FUT9: variants seen among roughly 807,000 people sequenced by gnomAD.
FUT9 encodes the protein fucosyltransferase 9.
In FUT9, 15 loss-of-function variants were observed where a neutral mutation model predicts 29.7. The observed-to-expected ratio is 0.51, with a 90% CI of 0.34 to 0.78. The LOEUF is 0.78. FUT9 is among the 30% of genes least tolerant of loss of function. The pLI is 0.01. For missense variants in FUT9, 319 were observed against 425.4 expected (o/e 0.75, Z 2.20); for synonymous variants, 169 against 153.7 (o/e 1.10, Z -0.74).
chr6:96,137,872 T>C (rs1176304758), intron 2 of FUT9, among the ~76,000 whole-genome samples: 1 of 152,204 alleles, frequency 6.6e-6, no homozygotes, highest in Admixed American at 6.5e-5. Flanking sequence ...TCTCTGTAAA[T>C]TTCCTGTACA....
At chr6:96,190,672 G>T (rs1285844154) in intron 2 of FUT9, among the ~76,000 whole-genome samples, 1 of 151,934 alleles carries the variant, frequency 6.6e-6, no homozygotes, top group Non-Finnish European at 1.5e-5. Context: ...TTCAATCACT[G>T]GTACCCTTTC....
chr6:96,168,467 G>A (rs1165805526), intron 2 of FUT9, among the ~76,000 whole-genome samples: 2 of 152,154 alleles, frequency 1.3e-5, no homozygotes, highest in Non-Finnish European at 2.9e-5. Context: ...CTTGACCTAA[G>A]AGCAGAAAGT....
intron 2 of FUT9, among the ~76,000 whole-genome samples, chr6:96,172,136 T>C (rs1773123290): frequency 6.6e-6 from 1 of 151,980 alleles, no homozygotes; most frequent in Non-Finnish European, 1.5e-5. Context: ...GTGGAAAGAG[T>C]TCCTGGGATC....
At chr6:96,195,859 G>A (rs1323414360) in intron 2 of FUT9, among the ~76,000 whole-genome samples, 1 of 152,116 alleles carries the variant, frequency 6.6e-6, no homozygotes, top group Non-Finnish European at 1.5e-5. Flanking sequence ...TACTATGATA[G>A]TGAAGATCAC....
intron 2 of FUT9, among the ~76,000 whole-genome samples, chr6:96,135,078 A>G (rs1172343278): frequency 6.6e-6 from 1 of 151,898 alleles, no homozygotes; most frequent in East Asian, 1.9e-4. Context: ...GTTGCTTGGA[A>G]AGAAAATTAC....
In FUT9 at chr6:96,210,071, C is replaced by G. The variant is rs1410432677; in HGVS notation, c.*5836C>G. ...TTAATAATACACAGCTTCTGAATCT[C>G]TGGGTGTGAGATGGGACCAGGAATC... On this transcript the variant is annotated 3_prime_UTR_variant, in exon 3 of 3. Coordinates refer to ENST00000302103, the MANE Select transcript of FUT9 (RefSeq NM_006581.4). The G allele has an allele frequency of 1.2e-5, 2 of 166,888 alleles. 1 individual carries two copies. The highest frequency in any genetic ancestry group is 2.9e-5 in the Non-Finnish European group (2 of 68,062). The allele number at this position is 166,888 out of a possible 1,614,324, so 10.3% of individuals were successfully genotyped here.
At chr6:96,169,259 G>T (rs1773069736) in intron 2 of FUT9, among the ~76,000 whole-genome samples, 1 of 152,184 alleles carries the variant, frequency 6.6e-6, no homozygotes, top group Non-Finnish European at 1.5e-5. Flanking sequence ...TAACTTCAAA[G>T]TAAGCTGGGC....
At position 96,084,545 on chromosome 6, in the gene FUT9, T is replaced by A. The variant is rs1771286287; in HGVS notation, c.-97-29494T>A. On this transcript the variant is annotated intron_variant, in intron 1 of 2. Coordinates refer to ENST00000302103, the MANE Select transcript of FUT9 (RefSeq NM_006581.4). ...TAGTTTTTCAGAGTGTGAAGTTAAT[T>A]TTCTCACACACACGTTTGTGACTGA... Among the ~76,000 whole-genome samples the A allele has an allele frequency of 2.0e-5, 3 of 152,084 alleles. No homozygotes were observed. The South Asian group carries it at 6.2e-4, about 32-fold the overall frequency.
chr6:96,096,683 C>CGTGTGTGTGTGTGTGTGT (rs1485446008), intron 1 of FUT9, among the ~76,000 whole-genome samples: 1 of 5,150 alleles, frequency 1.9e-4, no homozygotes, highest in Non-Finnish European at 3.7e-4. Flanking sequence ...GTGTCTAAGG[C>CGTGTGTGTGTGTGTGTGT]ATGTGTGTGT....
In FUT9 at chr6:96,098,625, T is replaced by C. The variant is rs188638330; in HGVS notation, c.-97-15414T>C. ...TAGAGTCATTCCCAAATGTATTCAA[T>C]ATGTCTTATGTGTCATCAAATAGTT... On this transcript the variant is annotated intron_variant, in intron 1 of 2. Transcript: ENST00000302103. Among the ~76,000 whole-genome samples, 11 of 152,290 alleles carry C rather than the reference T, an allele frequency of 7.2e-5. No individual in the cohort carries two copies. The East Asian group carries it at 2.1e-3, about 29-fold the overall frequency.
intron 2 of FUT9, among the ~76,000 whole-genome samples, chr6:96,171,315 G>A (rs2127983056): frequency 6.6e-6 from 1 of 152,334 alleles, no homozygotes; most frequent in South Asian, 2.1e-4. Context: ...GCTCATGCAT[G>A]AGTACGTTGC....
chr6:96,150,879 C>T (rs1772663470), intron 2 of FUT9, among the ~76,000 whole-genome samples: 3 of 152,174 alleles, frequency 2.0e-5, no homozygotes, highest in African/African-American at 7.2e-5. Flanking sequence ...ATATAACACT[C>T]TAACACTCCT....
chr6:96,114,828 C>T (rs913332677), intron 2 of FUT9, among the ~76,000 whole-genome samples: 2 of 152,090 alleles, frequency 1.3e-5, no homozygotes, highest in Non-Finnish European at 2.9e-5. Context: ...AGAAATAAAA[C>T]AGCCCAATCC....
chr6:96,030,066 C>G (rs1770234124), intron 1 of FUT9, among the ~76,000 whole-genome samples: 1 of 151,600 alleles, frequency 6.6e-6, no homozygotes, highest in Admixed American at 6.6e-5. Flanking sequence ...CAGAACTCCT[C>G]TGTCTGTAGT....
At chr6:96,120,379 T>A (rs894797895) in intron 2 of FUT9, among the ~76,000 whole-genome samples, 1 of 149,370 alleles carries the variant, frequency 6.7e-6, no homozygotes, top group Admixed American at 6.7e-5. Flanking sequence ...CACGCCATTC[T>A]CCTGCCTCAG....
intron 2 of FUT9, among the ~76,000 whole-genome samples, chr6:96,119,902 A>G (rs918081793): frequency 5.9e-5 from 9 of 152,162 alleles, no homozygotes; most frequent in African/African-American, 2.2e-4. Context: ...AACTTCTTGA[A>G]TATGAGGGGG....
At chr6:96,179,226 A>AT (rs1773262813) in intron 2 of FUT9, among the ~76,000 whole-genome samples, 1 of 152,210 alleles carries the variant, frequency 6.6e-6, no homozygotes, top group African/African-American at 2.4e-5. Context: ...TCATGCATTC[A>AT]TTTTTTATAT....
At chr6:96,168,754 A>C (rs761061200) in intron 2 of FUT9, among the ~76,000 whole-genome samples, 7 of 152,210 alleles carry the variant, frequency 4.6e-5, no homozygotes, top group Non-Finnish European at 8.8e-5. Flanking sequence ...AGTCAAGAGA[A>C]GTTTGATGAC....
At chr6:96,171,727 G>A (rs1217358876) in intron 2 of FUT9, among the ~76,000 whole-genome samples, 1 of 152,106 alleles carries the variant, frequency 6.6e-6, no homozygotes, top group Non-Finnish European at 1.5e-5. Context: ...GGCCCATGCA[G>A]CAAAACTTTG....
Sources: gnomAD v4.1 joint callset for allele counts (sites outside exome capture counted in the v4.1 genomes callset) on GRCh38, gnomAD v4.1.1 for gene constraint, MANE v1.5 for transcripts, NCBI Gene and HGNC (gene_info 2026-07-23, HGNC 2026-07-21) for gene names.